OR4F15: variants seen among roughly 807,000 people sequenced by gnomAD.
OR4F15 encodes olfactory receptor 4F15.
Under a neutral mutation model 11.9 loss-of-function variants are expected in OR4F15, and 7 were observed. The ratio of observed to expected loss-of-function variants is 0.59; its 90% CI spans 0.33 to 1.10. The LOEUF (loss-of-function observed/expected upper bound fraction) is 1.10. Ranked by LOEUF, OR4F15 falls within the 50% of genes least tolerant of loss-of-function variation. The pLI, the probability that OR4F15 is intolerant of heterozygous loss-of-function variation, is 0.03. For synonymous variants in OR4F15, 151 were observed against 134.6 expected, an observed-to-expected ratio of 1.12 and a Z score of -0.84; for missense variants, 445 against 377.5, an observed-to-expected ratio of 1.18 and a Z score of -1.48.
chr15:101,818,313 C>G lies in OR4F15; in HGVS notation c.127C>G (p.Leu43Val). The stretch of plus-strand genomic sequence containing the variant: ...CTACTTTGCGAGCATGATGGGAAAC[C>G]TTGTCATTGTATTCACTGTAACCAT... ...LFYFASMMGNLVIVFTVTMDA... is the reference protein window; with the variant it reads ...LFYFASMMGNVVIVFTVTMDA... Residue 43 changes from leucine to valine, a missense_variant, in exon 2 of 2, where the codon CTT (leucine) becomes GTT (valine). By Grantham distance (32) the Leu-to-Val change is conservative (BLOSUM62 1). Transcript: ENST00000332238. 2 of 1,614,012 alleles carry G rather than the reference C, an allele frequency of 1.2e-6. No homozygotes were observed. The highest frequency in any genetic ancestry group is 1.1e-5 in the South Asian group (1 of 91,070).
chr15:101,815,463 C>T (rs1902972838), intron 1 of OR4F15, among the ~76,000 whole-genome samples: 1 of 151,478 alleles, frequency 6.6e-6, no homozygotes, highest in East Asian at 1.9e-4. Context: ...TGGATAAAAC[C>T]CACTGGAAAA....
chr15:101,813,581 G>T (rs1902941136), intron 1 of OR4F15, among the ~76,000 whole-genome samples: 2 of 151,372 alleles, frequency 1.3e-5, no homozygotes, highest in Admixed American at 6.6e-5. Flanking sequence ...CTTGAAAACT[G>T]AGGGAAAAAC....
Position 101,818,390 on chromosome 15 carries a change from C to T in OR4F15, c.204C>T (p.Ile68=). ...ATTTCCTCCTGGCTAACCTCTCAATCATTGATATGGCATTTTGCTCAATTA... is the reference window on the plus strand; with the variant it reads ...ATTTCCTCCTGGCTAACCTCTCAATTATTGATATGGCATTTTGCTCAATTA... ...PMYFLLANLS[I]IDMAFCSITA... is the part of the protein sequence containing the mutation. The change falls in exon 2 of 2, where the codon ATC becomes ATT. Residue 68 remains isoleucine (I), a synonymous_variant. Transcript: ENST00000332238. 6.2e-7 allele frequency: 1 copy of T among 1,614,100 alleles called. No homozygotes were observed. Among genetic ancestry groups the T allele is most frequent in the Non-Finnish European group, 8.5e-7 (1 of 1,179,944 alleles).
chr15:101,813,601 C>T (rs946404454), intron 1 of OR4F15, among the ~76,000 whole-genome samples: 1 of 151,634 alleles, frequency 6.6e-6, no homozygotes, highest in Admixed American at 6.6e-5. Flanking sequence ...CTGACATTTC[C>T]TGGATGGGTA....
chr15:101,814,333 T>C (rs1052838128), intron 1 of OR4F15, among the ~76,000 whole-genome samples: 1 of 152,196 alleles, frequency 6.6e-6, no homozygotes, highest in African/African-American at 2.4e-5. Context: ...AGCTTAAAAA[T>C]GGATCACTTA....
At chr15:101,817,187 A>T (rs1006290430) in intron 1 of OR4F15, among the ~76,000 whole-genome samples, 7 of 152,196 alleles carry the variant, frequency 4.6e-5, no homozygotes, top group Non-Finnish European at 8.8e-5. Flanking sequence ...ATAAGACCCC[A>T]TATTTATTTT....
intron 1 of OR4F15, among the ~76,000 whole-genome samples, chr15:101,813,104 C>T (rs1306421852): frequency 6.6e-6 from 1 of 152,114 alleles, no homozygotes; most frequent in Non-Finnish European, 1.5e-5. Context: ...TGACAGAGTA[C>T]CTGACAACTT....
chr15:101,816,620 A>G lies in OR4F15; in HGVS notation c.-37-1530A>G, dbSNP rs78645900. ...GGAGTAAAAAGTTCTTGGTCCCAGT[A>G]TAAATTTTCCCACCAATTACCTTTG... On this transcript the variant is annotated intron_variant, in intron 1 of 1. Coordinates refer to ENST00000332238, the MANE Select transcript of OR4F15 (RefSeq NM_001001674.2). Among the ~76,000 whole-genome samples, 671 of 152,270 alleles carry G rather than the reference A, an allele frequency of 4.4e-3. 31 individuals carry two copies. The East Asian group carries it at 0.12, about 27-fold the overall frequency.
chr15:101,818,839 A>G lies in OR4F15; in HGVS notation c.653A>G (p.Tyr218Cys). Residue 218 changes from tyrosine to cysteine, a missense_variant, in exon 2 of 2, where the codon TAC becomes TGC. Tyr to Cys is a radical substitution (Grantham distance 194). Coordinates refer to ENST00000332238, the MANE Select transcript of OR4F15 (RefSeq NM_001001674.2). ...TCCTTTGTCTTGCTGGTAATTTCCT[A>G]CATCTTCATTCTGTTCACTGTTTGG... The part of the protein sequence containing the change: ...VGSFVLLVIS[Y>C]IFILFTVWKH... The G allele has an allele frequency of 6.2e-7, 1 of 1,613,866 alleles. No homozygotes were observed. The highest frequency in any genetic ancestry group is 8.5e-7 in the Non-Finnish European group (1 of 1,179,962).
rs578066352 is a variant in OR4F15 at position 101,817,574 on chromosome 15, A to G, written c.-37-576A>G. 1.5e-3 allele frequency among the ~76,000 whole-genome samples: 223 copies of G among 152,366 alleles called. 1 individual carries two copies. The highest frequency in any genetic ancestry group is 5.0e-3 in the African/African-American group (209 of 41,586). On this transcript the variant is annotated intron_variant, in intron 1 of 1. Coordinates refer to ENST00000332238, the MANE Select transcript of OR4F15 (RefSeq NM_001001674.2). Reference sequence around the variant, plus strand: ...AATGCTAATGGTGCGATGAGAATACAGAGTCTGGGGCACATTGGGAAGATT... The same window carrying G: ...AATGCTAATGGTGCGATGAGAATACGGAGTCTGGGGCACATTGGGAAGATT...
intron 1 of OR4F15, among the ~76,000 whole-genome samples, chr15:101,815,098 G>A (rs770221365): frequency 2.6e-5 from 4 of 152,108 alleles, no homozygotes; most frequent in Non-Finnish European, 5.9e-5. Flanking sequence ...GTGTTTGTCA[G>A]TTTATAGTTC....
intron 1 of OR4F15, among the ~76,000 whole-genome samples, chr15:101,815,561 C>A (rs1275755019): frequency 6.6e-6 from 1 of 152,156 alleles, no homozygotes; most frequent in African/African-American, 2.4e-5. Context: ...TAGAGTGAGA[C>A]TCCCCAGGTA....
In OR4F15 at chr15:101,815,470, A is replaced by C. The variant is rs1246176889; in HGVS notation, c.-37-2680A>C. ...GTATTTATTGGATAAAACCCACTGG[A>C]AAATAGTGTAATAGAAGTTATAGTG... is the stretch of plus-strand genomic sequence containing the variant. On this transcript the variant is annotated intron_variant, in intron 1 of 1. Transcript: ENST00000332238. Among the ~76,000 whole-genome samples the C allele has an allele frequency of 2.6e-5, 4 of 152,250 alleles. No individual in the cohort carries two copies. The East Asian group carries it at 5.8e-4, about 22-fold the overall frequency.
rs139722808 is a variant in OR4F15 at position 101,818,832 on chromosome 15, A to G, written c.646A>G (p.Ile216Val). 799 of 1,614,002 alleles carry G rather than the reference A, an allele frequency of 5.0e-4. 2 individuals carry two copies. The highest frequency in any genetic ancestry group is 6.4e-4 in the Non-Finnish European group (750 of 1,179,980). The change falls in exon 2 of 2, where the codon ATT (isoleucine) becomes GTT (valine). Residue 216 changes from isoleucine to valine, a missense_variant. Ile to Val is a conservative substitution (Grantham distance 29). Coordinates refer to ENST00000332238, the MANE Select transcript of OR4F15 (RefSeq NM_001001674.2). The part of the protein sequence containing the change: ...ISVGSFVLLV[I>V]SYIFILFTVW... The stretch of plus-strand genomic sequence containing the variant: ...TGTGGGCTCCTTTGTCTTGCTGGTA[A>G]TTTCCTACATCTTCATTCTGTTCAC...
In OR4F15 at chr15:101,818,626, C is replaced by T. The variant is rs1903044328; in HGVS notation, c.440C>T (p.Thr147Ile). ...AGAATGTGTCTATACTTTTTAGCCA[C>T]TTCCTCTATCATTGGCCTTATCCAC... Reference protein sequence around the residue: ...SPRMCLYFLATSSIIGLIHSL... With the variant: ...SPRMCLYFLAISSIIGLIHSL... Residue 147 changes from threonine to isoleucine, a missense_variant, in exon 2 of 2, where the codon ACT becomes ATT. Physicochemically the swap from Thr to Ile is moderately conservative, Grantham distance 89. Coordinates refer to ENST00000332238, the MANE Select transcript of OR4F15 (RefSeq NM_001001674.2). 1.2e-6 allele frequency: 2 copies of T among 1,614,196 alleles called. No homozygotes were observed. The highest frequency in any genetic ancestry group is 1.7e-6 in the Non-Finnish European group (2 of 1,180,020).
At chr15:101,818,045 T>C (rs1903020787) in intron 1 of OR4F15, 105 bp from the exon 2 acceptor site, 1 of 642,746 alleles carries the variant, frequency 1.6e-6, no homozygotes, top group Non-Finnish European at 2.7e-6. Flanking sequence ...GTTATTTGGC[T>C]GTGTAAGATG....
chr15:101,819,406 C>G lies in OR4F15; in HGVS notation c.*281C>G. The G allele has an allele frequency of 3.2e-6, 1 of 316,834 alleles. No individual in the cohort carries two copies. Among genetic ancestry groups the G allele is most frequent in the Non-Finnish European group, 5.8e-6 (1 of 173,830 alleles). The allele number at this position is 316,834 out of a possible 1,614,324, so 19.6% of individuals were successfully genotyped here. On this transcript the variant is annotated 3_prime_UTR_variant, in exon 2 of 2. Transcript: ENST00000332238. ...CCATGTAATTGAACAAATAACAATA[C>G]TATGTCTTTTATTTTTTCTACTGGA... is the stretch of plus-strand genomic sequence containing the variant.
At chr15:101,817,856 C>G (rs1315202287) in intron 1 of OR4F15, among the ~76,000 whole-genome samples, 1 of 152,100 alleles carries the variant, frequency 6.6e-6, no homozygotes, top group African/African-American at 2.4e-5. Context: ...GACCTTATAT[C>G]TCACCCAAAT....
chr15:101,817,738 G>C (rs983314137), intron 1 of OR4F15, among the ~76,000 whole-genome samples: 1 of 152,156 alleles, frequency 6.6e-6, no homozygotes, highest in African/African-American at 2.4e-5. Flanking sequence ...TAATAGAATA[G>C]AGACTTTGAA....
Sources: gnomAD v4.1 joint callset for allele counts (sites outside exome capture counted in the v4.1 genomes callset) on GRCh38, gnomAD v4.1.1 for gene constraint, MANE v1.5 for transcripts, NCBI Gene and HGNC (gene_info 2026-07-23, HGNC 2026-07-21) for gene names.